GPM6A: variants seen among roughly 807,000 people sequenced by gnomAD.
GPM6A encodes neuronal membrane glycoprotein M6-a.
In GPM6A, 7 loss-of-function variants were observed where a neutral mutation model predicts 32.1. The ratio of observed to expected loss-of-function variants is 0.22; its 90% CI spans 0.12 to 0.41. GPM6A has a LOEUF of 0.41. Among genes scored for constraint, GPM6A ranks in the 10% least tolerant of loss-of-function variants. GPM6A has a pLI of 1.00. For synonymous variants in GPM6A, 130 were observed against 123.4 expected (o/e 1.05, Z -0.35); for missense variants, 235 against 347.2 (o/e 0.68, Z 2.57).
chr4:175,765,662 C>A (rs1019559802), intron 1 of GPM6A, among the ~76,000 whole-genome samples: 3 of 152,102 alleles, frequency 2.0e-5, no homozygotes, highest in Non-Finnish European at 4.4e-5. Flanking sequence ...CCATATGTCA[C>A]CTCTTTGTTT....
intron 1 of GPM6A, among the ~76,000 whole-genome samples, chr4:175,915,936 A>G (rs534537134): frequency 1.3e-5 from 2 of 152,354 alleles, no homozygotes; most frequent in African/African-American, 4.8e-5. Flanking sequence ...TTGCGTGCAC[A>G]CGGGGACTGG....
intron 1 of GPM6A, among the ~76,000 whole-genome samples, chr4:175,732,421 A>C (rs566813089): frequency 6.6e-6 from 1 of 152,276 alleles, no homozygotes; most frequent in South Asian, 2.1e-4. Flanking sequence ...GAGCTGTATA[A>C]CTTTTAAAAG....
intron 1 of GPM6A, among the ~76,000 whole-genome samples, chr4:175,729,561 TTTCATTG>T (rs1731323657): frequency 6.6e-6 from 1 of 152,060 alleles, no homozygotes; most frequent in Admixed American, 6.6e-5. Context: ...TAAAAAATAA[TTTCATTG>T]TTCATTTAAA....
intron 1 of GPM6A, among the ~76,000 whole-genome samples, chr4:175,792,481 T>C (rs1184641753): frequency 7.9e-5 from 12 of 152,158 alleles, no homozygotes; most frequent in Non-Finnish European, 1.3e-4. Flanking sequence ...TGGTAATACA[T>C]TTATTTTTAA....
At chr4:175,661,706 T>A (rs1031115794) in intron 3 of GPM6A, among the ~76,000 whole-genome samples, 1 of 152,184 alleles carries the variant, frequency 6.6e-6, no homozygotes, top group Non-Finnish European at 1.5e-5. Flanking sequence ...TGTCCTGGGA[T>A]GAAGTGAGAC....
intron 1 of GPM6A, among the ~76,000 whole-genome samples, chr4:175,765,804 C>A (rs1056750338): frequency 6.6e-6 from 1 of 152,116 alleles, no homozygotes; most frequent in Non-Finnish European, 1.5e-5. Flanking sequence ...TCATATTGCC[C>A]CAGTGAAATC....
chr4:175,792,323 C>A (rs1734044332), intron 1 of GPM6A, among the ~76,000 whole-genome samples: 1 of 152,200 alleles, frequency 6.6e-6, no homozygotes, highest in East Asian at 1.9e-4. Context: ...ATGGGTTATA[C>A]CATTTTTATT....
At chr4:175,864,230 G>C (rs1230404100) in intron 1 of GPM6A, among the ~76,000 whole-genome samples, 1 of 152,120 alleles carries the variant, frequency 6.6e-6, no homozygotes, top group Non-Finnish European at 1.5e-5. Flanking sequence ...GAAGTGGCAC[G>C]GTAATGGCTC....
intron 1 of GPM6A, among the ~76,000 whole-genome samples, chr4:175,971,270 GAAA>G (rs146658517): frequency 5.3e-5 from 7 of 132,020 alleles, no homozygotes; most frequent in Non-Finnish European, 4.9e-5. Context: ...TATCTTCCGT[GAAA>G]AAAAAAAAAA....
At chr4:175,751,684 T>A (rs1196655628) in intron 1 of GPM6A, among the ~76,000 whole-genome samples, 1 of 152,062 alleles carries the variant, frequency 6.6e-6, no homozygotes, top group Non-Finnish European at 1.5e-5. Context: ...TAATGTAGTA[T>A]TACATGTGGT....
intron 1 of GPM6A, among the ~76,000 whole-genome samples, chr4:175,731,541 A>T (rs1049733873): frequency 6.6e-6 from 1 of 152,214 alleles, no homozygotes; most frequent in African/African-American, 2.4e-5. Flanking sequence ...CACAGTGCCC[A>T]GCACAATATC....
At chr4:175,680,529 T>A (rs1199518819) in intron 2 of GPM6A, among the ~76,000 whole-genome samples, 1 of 152,216 alleles carries the variant, frequency 6.6e-6, no homozygotes, top group Admixed American at 6.5e-5. Context: ...GTGTATTTTT[T>A]CTTCCCTTCA....
At chr4:175,714,283 G>A (rs73004345) in intron 1 of GPM6A, among the ~76,000 whole-genome samples, 112 of 152,222 alleles carry the variant, frequency 7.4e-4, no homozygotes, top group African/African-American at 2.4e-3. Flanking sequence ...AAATTTGAAC[G>A]AATGATTAAA....
At position 175,955,899 on chromosome 4, in the gene GPM6A, T is replaced by C. The variant is rs540439822; in HGVS notation, c.-23+46410A>G. Reference sequence around the variant, plus strand: ...CATGGTCTATGGAGAGCCCATTGTGTGTATCTCTTTCCAGCTCTGCCTTCA... The same window carrying C: ...CATGGTCTATGGAGAGCCCATTGTGCGTATCTCTTTCCAGCTCTGCCTTCA... On this transcript the variant is annotated intron_variant, in intron 1 of 7. Transcript: ENST00000280187. 3.0e-4 allele frequency among the ~76,000 whole-genome samples: 46 copies of C among 152,296 alleles called. 1 individual carries two copies. The South Asian group carries it at 8.7e-3, about 29-fold the overall frequency.
intron 2 of GPM6A, among the ~76,000 whole-genome samples, chr4:175,696,049 G>T (rs1744561910): frequency 6.6e-6 from 1 of 152,074 alleles, no homozygotes; most frequent in Non-Finnish European, 1.5e-5. Context: ...ATGAAAGTAG[G>T]TATTAAAACT....
At chr4:175,903,151 T>C (rs889092857) in intron 1 of GPM6A, among the ~76,000 whole-genome samples, 5 of 152,054 alleles carry the variant, frequency 3.3e-5, no homozygotes, top group African/African-American at 2.4e-5. Context: ...CTGGAATCTC[T>C]TGTTGCAACA....
intron 1 of GPM6A, among the ~76,000 whole-genome samples, chr4:175,998,348 C>G (rs1302569246): frequency 1.3e-5 from 2 of 151,922 alleles, no homozygotes; most frequent in African/African-American, 4.8e-5. Flanking sequence ...GAGACGGTCT[C>G]ACTATGTTGC....
intron 1 of GPM6A, among the ~76,000 whole-genome samples, chr4:175,911,298 TA>T (rs900065780): frequency 4.6e-5 from 7 of 152,004 alleles, no homozygotes; most frequent in African/African-American, 1.5e-4. Flanking sequence ...AATATACACT[TA>T]AAAAAATCCT....
chr4:175,708,651 A>G (rs1745350739), intron 1 of GPM6A, among the ~76,000 whole-genome samples: 1 of 152,072 alleles, frequency 6.6e-6, no homozygotes, highest in South Asian at 2.1e-4. Flanking sequence ...CTAAATGTCA[A>G]TGCCTTGAGG....
Sources: gnomAD v4.1 joint callset for allele counts (sites outside exome capture counted in the v4.1 genomes callset) on GRCh38, gnomAD v4.1.1 for gene constraint, MANE v1.5 for transcripts, NCBI Gene and HGNC (gene_info 2026-07-23, HGNC 2026-07-21) for gene names.